UNC5C: variants seen among roughly 807,000 people sequenced by gnomAD.
The protein encoded by UNC5C is netrin receptor UNC5C.
In UNC5C, 47 loss-of-function variants were observed where a neutral mutation model predicts 99.8. The observed-to-expected ratio is 0.47, with a 90% CI of 0.37 to 0.60. The LOEUF (loss-of-function observed/expected upper bound fraction) is 0.60, where lower values mean the gene tolerates loss of function less well. UNC5C is among the 20% of genes least tolerant of loss of function. The pLI, the probability that UNC5C is intolerant of heterozygous loss-of-function variation, is 0.00. For missense variants in UNC5C, 1,062 were observed against 1,165.9 expected (o/e 0.91, Z 1.30); for synonymous variants, 487 against 452.2 (o/e 1.08, Z -0.98).
At chr4:95,191,935 CT>C (rs1371424002) in intron 12 of UNC5C, among the ~76,000 whole-genome samples, 1 of 141,034 alleles carries the variant, frequency 7.1e-6, no homozygotes, top group Non-Finnish European at 1.6e-5. Context: ...ACCTCCTCCC[CT>C]GCTCACCTCT....
intron 12 of UNC5C, 34 bp downstream of exon 12, chr4:95,202,697 G>C (rs1188463654): frequency 6.3e-7 from 1 of 1,599,470 alleles, no homozygotes; most frequent in East Asian, 2.2e-5. Flanking sequence ...TCCAGGTGGA[G>C]GTGAAGAGGG....
chr4:95,224,236 T>C (rs1738586772), intron 7 of UNC5C, among the ~76,000 whole-genome samples: 1 of 152,164 alleles, frequency 6.6e-6, no homozygotes, highest in South Asian at 2.1e-4. Context: ...TGAGCAGAGA[T>C]TGCGCCACTG....
intron 1 of UNC5C, among the ~76,000 whole-genome samples, chr4:95,406,510 G>A (rs1745836006): frequency 6.6e-6 from 1 of 152,168 alleles, no homozygotes; most frequent in South Asian, 2.1e-4. Flanking sequence ...GACAACTGTA[G>A]TTTAGGCAGG....
intron 1 of UNC5C, among the ~76,000 whole-genome samples, chr4:95,400,781 A>C (rs986252174): frequency 6.6e-6 from 1 of 152,198 alleles, no homozygotes; most frequent in Non-Finnish European, 1.5e-5. Context: ...TGAGCCTCGA[A>C]TGAGGATGTG....
rs1361050243 is a variant in UNC5C at position 95,165,411 on chromosome 4, T to C, written c.*3823A>G. 6.6e-6 allele frequency: 1 copy of C among 152,254 alleles called. No individual in the cohort carries two copies. Among genetic ancestry groups the C allele is most frequent in the Admixed American group, 6.5e-5 (1 of 15,282 alleles). 9.4% of individuals were successfully genotyped at this position (152,254 alleles called of 1,614,324 possible). On this transcript the variant is annotated 3_prime_UTR_variant, in exon 16 of 16. Coordinates refer to ENST00000453304, the MANE Select transcript of UNC5C (RefSeq NM_003728.4). Reference sequence around the variant, plus strand: ...ACTTGCTCACAGCAGGATGGGGGTTTTCTGCATAGCAGAGGTGACTGTTCA... The same window carrying C: ...ACTTGCTCACAGCAGGATGGGGGTTCTCTGCATAGCAGAGGTGACTGTTCA...
chr4:95,342,400 C>A (rs1335322938), intron 1 of UNC5C, among the ~76,000 whole-genome samples: 3 of 152,060 alleles, frequency 2.0e-5, no homozygotes, highest in African/African-American at 7.2e-5. Flanking sequence ...ATTTCTAGAG[C>A]CGCTTTGGGC....
intron 1 of UNC5C, among the ~76,000 whole-genome samples, chr4:95,521,223 TC>T (rs60485247): frequency 0.7 from 76,840 of 109,968 alleles, 24,660 homozygotes; most frequent in South Asian, 0.82. Context: ...TTTTCTTTTT[TC>T]TTTTTTTTTT....
chr4:95,253,115 C>T (rs916346714), intron 4 of UNC5C, among the ~76,000 whole-genome samples: 4 of 152,086 alleles, frequency 2.6e-5, no homozygotes, highest in Non-Finnish European at 5.9e-5. Context: ...AGGCTTCTTT[C>T]CTCTCCTGCT....
chr4:95,237,120 CATTTT>C (rs1051330120), intron 7 of UNC5C, among the ~76,000 whole-genome samples: 6 of 152,044 alleles, frequency 3.9e-5, no homozygotes, highest in African/African-American at 1.4e-4. Flanking sequence ...TGTATTTTAA[CATTTT>C]ATTTTTAATT....
intron 12 of UNC5C, among the ~76,000 whole-genome samples, chr4:95,189,379 G>C (rs975165208): frequency 2.0e-5 from 3 of 152,282 alleles, no homozygotes; most frequent in Middle Eastern, 3.4e-3. Context: ...CTCGACCTCT[G>C]TGCTCAGGCA....
chr4:95,435,169 C>T (rs1415906772), intron 1 of UNC5C, among the ~76,000 whole-genome samples: 2 of 152,002 alleles, frequency 1.3e-5, no homozygotes, highest in Non-Finnish European at 2.9e-5. Flanking sequence ...TACTAAGTGG[C>T]CCTCCCAATT....
At chr4:95,256,501 C>T (rs1739987690) in intron 4 of UNC5C, among the ~76,000 whole-genome samples, 1 of 151,954 alleles carries the variant, frequency 6.6e-6, no homozygotes, top group South Asian at 2.1e-4. Flanking sequence ...CTCATTCCCT[C>T]ACTCCCACCT....
intron 3 of UNC5C, among the ~76,000 whole-genome samples, chr4:95,294,600 G>A (rs758604853): frequency 9.2e-5 from 14 of 152,134 alleles, no homozygotes; most frequent in African/African-American, 2.9e-4. Flanking sequence ...CCATCCTCAG[G>A]CATGGGCAGA....
At chr4:95,317,651 G>T (rs984428001) in intron 2 of UNC5C, among the ~76,000 whole-genome samples, 29 of 152,194 alleles carry the variant, frequency 1.9e-4, no homozygotes, top group Non-Finnish European at 3.8e-4. Context: ...GCAGAGCCAG[G>T]CTGAGCAGTT....
rs1246437864 is a variant in UNC5C at position 95,165,971 on chromosome 4, G to C, written c.*3263C>G. ...GATGAGTGATGCAAATGAAAAAAAA[G>C]TGAGAATAAGAAAATTATAAATTTG... On this transcript the variant is annotated 3_prime_UTR_variant, in exon 16 of 16. Coordinates refer to ENST00000453304, the MANE Select transcript of UNC5C (RefSeq NM_003728.4). 1 of 152,154 alleles carries C rather than the reference G, an allele frequency of 6.6e-6. No homozygotes were observed. The highest frequency in any genetic ancestry group is 2.4e-5 in the African/African-American group (1 of 41,444). 9.4% of individuals were successfully genotyped at this position (152,154 alleles called of 1,614,324 possible). A position where few individuals can be genotyped will look rare whatever the true frequency, so the allele number is the denominator to read the frequency against.
chr4:95,334,017 T>C (rs543574041), intron 2 of UNC5C, among the ~76,000 whole-genome samples: 2 of 152,162 alleles, frequency 1.3e-5, no homozygotes, highest in South Asian at 4.1e-4. Flanking sequence ...TACCCAGTTA[T>C]ATCTGCAGTC....
intron 3 of UNC5C, among the ~76,000 whole-genome samples, chr4:95,298,186 C>T (rs1741732653): frequency 6.6e-6 from 1 of 152,154 alleles, no homozygotes; most frequent in Non-Finnish European, 1.5e-5. Context: ...GCGGCACATG[C>T]CTGTAGTCCC....
At chr4:95,384,433 C>A (rs17437679) in intron 1 of UNC5C, among the ~76,000 whole-genome samples, 15,356 of 152,092 alleles carry the variant, frequency 0.1, 831 homozygotes, top group Admixed American at 0.14. Context: ...AAAGATGAGC[C>A]ACTTAGGTGG....
rs775570031 is a variant in UNC5C at position 95,258,746 on chromosome 4, C to CTTTTTTTTTTTTTTTTT, written c.595-8096_595-8080dup. ...ACTATGTGTAATCGACCATCTTATT[C>CTTTTTTTTTTTTTTTTT]TTTTTTTTTTTTTTTTTTTTTTTTT... On this transcript the variant is annotated intron_variant, in intron 4 of 15. Transcript: ENST00000453304. Among the ~76,000 whole-genome samples, 24 of 76,040 alleles carry CTTTTTTTTTTTTTTTTT rather than the reference C, an allele frequency of 3.2e-4. 2 individuals carry two copies. Among genetic ancestry groups the CTTTTTTTTTTTTTTTTT allele is most frequent in the Non-Finnish European group, 4.7e-4 (17 of 36,512 alleles). 49.9% of individuals were successfully genotyped at this position (76,040 alleles called of 152,430 possible).
Sources: gnomAD v4.1 joint callset for allele counts (sites outside exome capture counted in the v4.1 genomes callset) on GRCh38, gnomAD v4.1.1 for gene constraint, MANE v1.5 for transcripts, NCBI Gene and HGNC (gene_info 2026-07-23, HGNC 2026-07-21) for gene names.